EXPH5: variants seen among roughly 807,000 people sequenced by gnomAD.
The protein encoded by EXPH5 is exophilin-5.
Under a neutral mutation model 41.1 loss-of-function variants are expected in EXPH5, and 42 were observed. The observed-to-expected ratio is 1.02, with a 90% confidence interval of 0.80 to 1.32. EXPH5 has a LOEUF of 1.32. Among genes scored for constraint, EXPH5 ranks in the 40% most tolerant of loss-of-function variants. The probability of loss-of-function intolerance (pLI) is 0.00; values close to 1 mark genes in which losing one functional copy is unlikely to be tolerated. For missense variants in EXPH5, 2,298 were observed against 2,314.5 expected, an observed-to-expected ratio of 0.99 and a Z score of 0.15; for synonymous variants, 798 against 833.5, an observed-to-expected ratio of 0.96 and a Z score of 0.73.
At chr11:108,605,797 G>T in the EXPH5 span, among the ~76,000 whole-genome samples, 2 of 152,212 alleles carry the variant, frequency 1.3e-5, no homozygotes, top group African/African-American at 4.8e-5. Flanking sequence ...AGGATGAAGA[G>T]AAATACAAAT....
chr11:108,541,593 T>C, intron 2 of EXPH5, 59 bp downstream of exon 2: 1 of 1,233,476 alleles, frequency 8.1e-7, no homozygotes. Context: ...GGCCATTATC[T>C]ACAATACTAT....
intron 1 of EXPH5, among the ~76,000 whole-genome samples, chr11:108,592,091 G>A (rs2094128802): frequency 6.6e-6 from 1 of 152,192 alleles, no homozygotes; most frequent in Non-Finnish European, 1.5e-5. Context: ...ATGTGCATAT[G>A]TGTAGGTACA....
Position 108,535,617 on chromosome 11 carries a change from G to GA in EXPH5, c.443+3406dup, listed in dbSNP as rs1012432184. Among the ~76,000 whole-genome samples the GA allele has an allele frequency of 2.7e-5, 4 of 150,560 alleles. No homozygotes were observed. The South Asian group carries it at 6.3e-4, about 24-fold the overall frequency. On this transcript the variant is annotated intron_variant, in intron 3 of 5. Transcript: ENST00000265843. ...AGAGATCAAGAGACAGAGAGAACAG[G>GA]AAAAAAAAAGTGATCTGCCCTTTTA...
intron 1 of EXPH5, among the ~76,000 whole-genome samples, chr11:108,565,084 T>C (rs960912033): frequency 3.3e-5 from 5 of 151,968 alleles, no homozygotes; most frequent in Admixed American, 2.6e-4. Flanking sequence ...TTTTGTATTT[T>C]TAGTAGAGAT....
rs2135947955 is a variant in EXPH5 at position 108,518,309 on chromosome 11, G to C, written c.557C>G (p.Pro186Arg). ...HLVDSTFVPK[P>R]AVMREESGMP... is the part of the protein sequence containing the mutation. ...GCCACTCTCCTCCCTCATGACTGCTGGCTTTGGGACAAATGTACTGTCAAC... is the reference window on the plus strand; with the variant it reads ...GCCACTCTCCTCCCTCATGACTGCTCGCTTTGGGACAAATGTACTGTCAAC... The change falls in exon 5 of 6, where the codon CCA becomes CGA. Residue 186 changes from proline to arginine, a missense_variant. Coordinates refer to ENST00000265843, the MANE Select transcript of EXPH5 (RefSeq NM_015065.3). 1 of 1,613,846 alleles carries C rather than the reference G, an allele frequency of 6.2e-7. No individual in the cohort carries two copies. The highest frequency in any genetic ancestry group is 8.5e-7 in the Non-Finnish European group (1 of 1,179,848).
intron 3 of EXPH5, among the ~76,000 whole-genome samples, chr11:108,533,225 A>G (rs1439859213): frequency 6.7e-6 from 1 of 149,346 alleles, no homozygotes; most frequent in East Asian, 2.0e-4. Context: ...TTTTTTGGAG[A>G]TGGAGTCTTG....
At chr11:108,522,853 T>C (rs1191668140) in intron 4 of EXPH5, among the ~76,000 whole-genome samples, 1 of 152,070 alleles carries the variant, frequency 6.6e-6, no homozygotes, top group Admixed American at 6.6e-5. Flanking sequence ...AAACACCTTT[T>C]TTGCAGCACA....
In EXPH5 at chr11:108,507,995, TA is replaced by T. The variant is rs2093653508; in HGVS notation, c.*1541del. ...CAACCTGGTGAAACTCCAACTCTAC[TA>T]AAAATACCAAAAAAAAAAAAAAAAA... On this transcript the variant is annotated 3_prime_UTR_variant, in exon 6 of 6. Transcript: ENST00000265843. 3.5e-5 allele frequency: 1 copy of T among 28,248 alleles called. No individual in the cohort carries two copies. Among genetic ancestry groups the T allele is most frequent in the African/African-American group, 1.3e-4 (1 of 7,798 alleles). The allele number at this position is 28,248 out of a possible 1,614,324, so 1.7% of individuals were successfully genotyped here.
the EXPH5 span, among the ~76,000 whole-genome samples, chr11:108,605,553 C>G: frequency 1.3e-5 from 2 of 152,136 alleles, no homozygotes; most frequent in South Asian, 2.1e-4. Flanking sequence ...CTACATTATA[C>G]AGGACAGCCC....
intron 2 of EXPH5, among the ~76,000 whole-genome samples, chr11:108,541,248 G>A (rs1466230768): frequency 1.3e-5 from 2 of 152,054 alleles, no homozygotes; most frequent in Non-Finnish European, 2.9e-5. Context: ...CTTAATTCTC[G>A]TAACCACCTT....
chr11:108,584,910 T>G (rs1243947240), intron 1 of EXPH5, among the ~76,000 whole-genome samples: 3 of 152,254 alleles, frequency 2.0e-5, no homozygotes, highest in Non-Finnish European at 4.4e-5. Context: ...ATGTTGGATT[T>G]CATCAAACTG....
chr11:108,511,068 T>C lies in EXPH5; in HGVS notation c.4439A>G (p.Gln1480Arg), dbSNP rs1200850662. The C allele has an allele frequency of 6.2e-7, 1 of 1,614,176 alleles. No homozygotes were observed. Among genetic ancestry groups the C allele is most frequent in the South Asian group, 1.1e-5 (1 of 91,082 alleles). Residue 1480 changes from glutamine (Q) to arginine (R), a missense_variant, in exon 6 of 6, where the codon CAG becomes CGG. Coordinates refer to ENST00000265843, the MANE Select transcript of EXPH5 (RefSeq NM_015065.3). ...AATGTCCCCTCTGCCTTCCCTAGGC[T>C]GTGATCCACTGGAGCCATCACCTAC... ...TAVGDGSSGS[Q>R]PREGRGDIGT...
chr11:108,569,312 T>C (rs2094049417), intron 1 of EXPH5, among the ~76,000 whole-genome samples: 1 of 152,132 alleles, frequency 6.6e-6, no homozygotes, highest in Non-Finnish European at 1.5e-5. Flanking sequence ...CACGTTATAG[T>C]GAATGTACTA....
chr11:108,522,103 A>G (rs2093768453), intron 4 of EXPH5, among the ~76,000 whole-genome samples: 1 of 152,144 alleles, frequency 6.6e-6, no homozygotes, highest in South Asian at 2.1e-4. Flanking sequence ...CTTTCAACAC[A>G]CAGAGATGTA....
At chr11:108,588,004 C>T (rs1320215059) in intron 1 of EXPH5, among the ~76,000 whole-genome samples, 1 of 152,188 alleles carries the variant, frequency 6.6e-6, no homozygotes, top group African/African-American at 2.4e-5. Flanking sequence ...CCACCCATCT[C>T]AGCCTCCCAA....
the EXPH5 span, among the ~76,000 whole-genome samples, chr11:108,603,510 C>A: frequency 6.6e-6 from 1 of 152,122 alleles, no homozygotes; most frequent in Admixed American, 6.5e-5. Flanking sequence ...GAATCCGTTT[C>A]TTAAAAAATT....
chr11:108,553,147 C>A (rs777061988), intron 1 of EXPH5, among the ~76,000 whole-genome samples: 5 of 151,700 alleles, frequency 3.3e-5, no homozygotes, highest in Admixed American at 6.6e-5. Flanking sequence ...TGCAGTGAGC[C>A]GAGATCATGC....
At chr11:108,552,777 G>A (rs551193827) in intron 1 of EXPH5, among the ~76,000 whole-genome samples, 9 of 152,248 alleles carry the variant, frequency 5.9e-5, no homozygotes, top group African/African-American at 2.2e-4. Context: ...AAACTAGCTG[G>A]GCTTGCTAGT....
intron 1 of EXPH5, among the ~76,000 whole-genome samples, chr11:108,564,425 T>TG (rs58776087): frequency 0.11 from 16,203 of 152,288 alleles, 1,986 homozygotes; most frequent in African/African-American, 0.3. Flanking sequence ...CTATGCATGC[T>TG]TTGTGTAGTC....
Sources: gnomAD v4.1 joint callset for allele counts (sites outside exome capture counted in the v4.1 genomes callset) on GRCh38, gnomAD v4.1.1 for gene constraint, MANE v1.5 for transcripts, NCBI Gene and HGNC (gene_info 2026-07-23, HGNC 2026-07-21) for gene names.